Variants in ZSCAN32 observed in about 807,000 individuals in gnomAD.
ZSCAN32 encodes zinc finger and SCAN domain-containing protein 32.
ZSCAN32 carries 52 observed loss-of-function variants against 47.4 expected under a neutral mutation model. The observed-to-expected ratio is 1.10, with a 90% CI of 0.88 to 1.38. The LOEUF is 1.38. Ranked by LOEUF, ZSCAN32 falls within the 40% of genes most tolerant of loss-of-function variation. The pLI is 0.00. For missense variants in ZSCAN32, 959 were observed against 846.0 expected, an observed-to-expected ratio of 1.13 and a Z score of -1.66; for synonymous variants, 346 against 305.7, an observed-to-expected ratio of 1.13 and a Z score of -1.38.
At chr16:3,397,143 C>A in intron 2 of ZSCAN32, 49 bp downstream of exon 2, 1 of 1,470,514 alleles carries the variant, frequency 6.8e-7, no homozygotes, top group South Asian at 1.4e-5. Context: ...ACTGGATTCC[C>A]CGACAACTTC....
In ZSCAN32 at chr16:3,397,663, TTCTG is replaced by T. The variant is rs1325765700; in HGVS notation, c.-110_-107del. The T allele has an allele frequency of 7.6e-5, 106 of 1,391,938 alleles. No homozygotes were observed. The South Asian group carries it at 9.3e-4, about 12-fold the overall frequency. 86.2% of individuals were successfully genotyped at this position (1,391,938 alleles called of 1,614,324 possible). ...CCATGTTCTCCTGCAAGGAATGTCT[TTCTG>T]TAATCCGTGGGACATGAGAGTGTCA... is the stretch of plus-strand genomic sequence containing the variant. On this transcript the variant is annotated 5_prime_UTR_variant, in exon 2 of 7. It removes the in-frame stop codon of an upstream open reading frame in the 5' UTR. Coordinates refer to ENST00000396852, the MANE Select transcript of ZSCAN32 (RefSeq NM_001284527.2).
At chr16:3,398,273 A>C (rs947413405) in intron 1 of ZSCAN32, among the ~76,000 whole-genome samples, 88 of 152,218 alleles carry the variant, frequency 5.8e-4, no homozygotes, top group African/African-American at 1.9e-3. Flanking sequence ...GCTTTCTGAC[A>C]ACCAGATGGC....
Position 3,397,655 on chromosome 16 carries a change from G to T in ZSCAN32, c.-98C>A. ...CTGGGAAGCCATGTTCTCCTGCAAG[G>T]AATGTCTTTCTGTAATCCGTGGGAC... On this transcript the variant is annotated 5_prime_UTR_variant, in exon 2 of 7. Coordinates refer to ENST00000396852, the MANE Select transcript of ZSCAN32 (RefSeq NM_001284527.2). The T allele has an allele frequency of 2.8e-6, 4 of 1,410,630 alleles. No individual in the cohort carries two copies. The highest frequency in any genetic ancestry group is 3.7e-6 in the Non-Finnish European group (4 of 1,071,678). 87.4% of individuals were successfully genotyped at this position (1,410,630 alleles called of 1,614,324 possible).
rs773786864 is a variant in ZSCAN32, at chr16:3,383,117, C to T, written c.1829G>A (p.Cys610Tyr). 1.8e-5 allele frequency: 29 copies of T among 1,614,218 alleles called. No individual in the cohort carries two copies. The highest frequency in any genetic ancestry group is 2.3e-5 in the Non-Finnish European group (27 of 1,180,036). Residue 610 changes from cysteine (C) to tyrosine (Y), a missense_variant, in exon 7 of 7, where the codon TGT (cysteine) becomes TAT (tyrosine). Transcript: ENST00000396852. Reference sequence around the variant, plus strand: ...GGAACTGTTGTTGAATCTCTTTCCACAGACAATGCACTGGTAAGGCTTTTC... The same window carrying T: ...GGAACTGTTGTTGAATCTCTTTCCATAGACAATGCACTGGTAAGGCTTTTC... ...TGEKPYQCIV[C>Y]GKRFNNSSQF...
chr16:3,389,014 TA>T lies in ZSCAN32; in HGVS notation c.751+995del, dbSNP rs2032342208. ...TTTATGTCATGTGAATTTCACCTAA[TA>T]AGTTAAAAATCACAAGTACAAAAAT... On this transcript the variant is annotated intron_variant, in intron 5 of 6. Coordinates refer to ENST00000396852, the MANE Select transcript of ZSCAN32 (RefSeq NM_001284527.2). Among the ~76,000 whole-genome samples, 6 of 152,370 alleles carry T rather than the reference TA, an allele frequency of 3.9e-5. No individual in the cohort carries two copies. The South Asian group carries it at 1.2e-3, about 32-fold the overall frequency.
At chr16:3,389,620 T>G (rs2032428569) in intron 5 of ZSCAN32, among the ~76,000 whole-genome samples, 2 of 152,066 alleles carry the variant, frequency 1.3e-5, no homozygotes, top group African/African-American at 4.8e-5. Flanking sequence ...TATTTGTTAA[T>G]CTCCTCTGCC....
rs2031401490 is a variant in ZSCAN32, at chr16:3,382,966, A to G, written c.1980T>C (p.Pro660=). Residue 660 remains proline, a synonymous_variant, in exon 7 of 7, where the codon CCT becomes CCC. Coordinates refer to ENST00000396852, the MANE Select transcript of ZSCAN32 (RefSeq NM_001284527.2). ...AHRKTHTGEK[P]YRCSHCERGF... ...CTCTCTCACAGTGAGAACACCTGTA[A>G]GGCTTTTCACCAGTGTGGGTTTTTC... 6.2e-7 allele frequency: 1 copy of G among 1,614,066 alleles called. No individual in the cohort carries two copies. Among genetic ancestry groups the G allele is most frequent in the East Asian group, 2.2e-5 (1 of 44,882 alleles).
chr16:3,383,755 A>C, intron 6 of ZSCAN32, 44 bp from the exon 7 acceptor site: 1 of 1,529,818 alleles, frequency 6.5e-7, no homozygotes, highest in Non-Finnish European at 8.7e-7. Context: ...ACTATAGAGA[A>C]GGAAAACAAT....
intron 3 of ZSCAN32, among the ~76,000 whole-genome samples, chr16:3,392,165 A>C (rs1224743267): frequency 6.6e-6 from 1 of 152,232 alleles, no homozygotes. Context: ...GATTCAACTT[A>C]TATGAAATGT....
intron 2 of ZSCAN32, among the ~76,000 whole-genome samples, chr16:3,396,704 C>T (rs1391787741): frequency 6.6e-6 from 1 of 152,160 alleles, no homozygotes; most frequent in Non-Finnish European, 1.5e-5. Flanking sequence ...TAGTCCTGAC[C>T]GTAAGAGGAT....
intron 1 of ZSCAN32, among the ~76,000 whole-genome samples, chr16:3,398,598 T>C (rs2033595624): frequency 6.6e-6 from 1 of 152,172 alleles, no homozygotes; most frequent in Middle Eastern, 3.2e-3. Context: ...CCAAAAAATA[T>C]AGTCTTCTCC....
At chr16:3,390,172 C>T in intron 4 of ZSCAN32, 39 bp from the exon 5 acceptor site, 3 of 1,560,074 alleles carry the variant, frequency 1.9e-6, no homozygotes, top group Non-Finnish European at 2.6e-6. Context: ...GATAAAATAG[C>T]ACCACTCTAG....
At chr16:3,384,292 G>T in intron 6 of ZSCAN32, 167 bp downstream of exon 6, 3 of 921,396 alleles carry the variant, frequency 3.3e-6, no homozygotes, top group African/African-American at 1.7e-5. Context: ...GCTGTAAAAT[G>T]CAAGGGGAAT....
In ZSCAN32 at chr16:3,384,552, C is replaced by T; in HGVS notation, c.1141G>A (p.Val381Met). 6.2e-7 allele frequency: 1 copy of T among 1,614,206 alleles called. No individual in the cohort carries two copies. The highest frequency in any genetic ancestry group is 8.5e-7 in the Non-Finnish European group (1 of 1,180,038). Residue 381 changes from valine (V) to methionine (M), a missense_variant, in exon 6 of 7, where the codon GTG becomes ATG. Coordinates refer to ENST00000396852, the MANE Select transcript of ZSCAN32 (RefSeq NM_001284527.2). ...GEPTEVEDGT[V>M]DGADRDEKDF... ...TTTTCATCCCTGTCTGCACCATCCA[C>T]AGTGCCATCTTCTACCTCCGTGGGT... is the stretch of plus-strand genomic sequence containing the variant.
chr16:3,384,197 C>T (rs2031640172), intron 6 of ZSCAN32: 1 of 583,264 alleles, frequency 1.7e-6, no homozygotes, highest in Non-Finnish European at 3.0e-6. Context: ...GAGGCCTAAC[C>T]AGCAGTCTGA....
At chr16:3,390,703 G>A (rs1268311606) in intron 3 of ZSCAN32, among the ~76,000 whole-genome samples, 186 bp from the exon 4 acceptor site, 4 of 152,154 alleles carry the variant, frequency 2.6e-5, no homozygotes, top group Non-Finnish European at 5.9e-5. Flanking sequence ...CTAGGACTCT[G>A]TTTTATCACT....
In ZSCAN32 at chr16:3,390,111, C is replaced by T; in HGVS notation, c.650G>A (p.Arg217Lys). 1.9e-6 allele frequency: 3 copies of T among 1,613,276 alleles called. No homozygotes were observed. Among genetic ancestry groups the T allele is most frequent in the South Asian group, 1.1e-5 (1 of 90,808 alleles). ...TTCTTGCTGACAGAGGGATACAGCTCTGTTGTCACGCATGGCTGGTCCCTG... is the reference window on the plus strand; with the variant it reads ...TTCTTGCTGACAGAGGGATACAGCTTTGTTGTCACGCATGGCTGGTCCCTG... ...GSQGPAMRDN[R>K]AVSLCQQEWM... The change falls in exon 5 of 7, where the codon AGA (arginine) becomes AAA (lysine). Residue 217 changes from arginine (R) to lysine (K), a missense_variant. Coordinates refer to ENST00000396852, the MANE Select transcript of ZSCAN32 (RefSeq NM_001284527.2).
chr16:3,390,535 CGCT>C lies in ZSCAN32; in HGVS notation c.533-21_533-19del. ...AAGCCAGGCTGGGGGAAAAAACAGC[CGCT>C]ATTAGAGGGCGGCTTCCACACAACA... On this transcript the variant is annotated intron_variant, in intron 3 of 6. Coordinates refer to ENST00000396852, the MANE Select transcript of ZSCAN32 (RefSeq NM_001284527.2). 6.5e-7 allele frequency: 1 copy of C among 1,545,438 alleles called. No individual in the cohort carries two copies.
intron 3 of ZSCAN32, 119 bp from the exon 4 acceptor site, chr16:3,390,636 TACAAA>T: frequency 5.1e-6 from 4 of 780,738 alleles, no homozygotes; most frequent in Non-Finnish European, 6.0e-6. Context: ...CCATCAGAAA[TACAAA>T]TTCTGGGGCC....
Sources: gnomAD v4.1 joint callset for allele counts (sites outside exome capture counted in the v4.1 genomes callset) on GRCh38, gnomAD v4.1.1 for gene constraint, MANE v1.5 for transcripts, NCBI Gene and HGNC (gene_info 2026-07-23, HGNC 2026-07-21) for gene names.